ADCYAP1R1: variants seen among roughly 807,000 people sequenced by gnomAD.
ADCYAP1R1 encodes ADCYAP receptor type I.
A neutral mutation model predicts 67.6 loss-of-function variants in ADCYAP1R1; 44 were observed. The ratio of observed to expected loss-of-function variants is 0.65; its 90% CI spans 0.51 to 0.84. The LOEUF (loss-of-function observed/expected upper bound fraction) is 0.84, where lower values mean the gene tolerates loss of function less well. ADCYAP1R1 is among the 40% of genes least tolerant of loss of function. ADCYAP1R1 has a pLI of 0.00. For missense variants in ADCYAP1R1, 477 were observed against 587.9 expected (o/e 0.81, Z 1.95); for synonymous variants, 222 against 219.6 (o/e 1.01, Z -0.10).
rs1795090830 is a variant in ADCYAP1R1, at chr7:31,073,840, T to TGGGTCCTG, written c.158-4142_158-4135dup. Among the ~76,000 whole-genome samples, 3 of 152,182 alleles carry TGGGTCCTG rather than the reference T, an allele frequency of 2.0e-5. No homozygotes were observed. The South Asian group carries it at 6.2e-4, about 31-fold the overall frequency. On this transcript the variant is annotated intron_variant, in intron 3 of 15. Coordinates refer to ENST00000304166, the MANE Select transcript of ADCYAP1R1 (RefSeq NM_001118.5). ...TCGATAGGGTCAGGGACATTGTCTT[T>TGGGTCCTG]GGGTCCTGGGGTCCTGAGGTCTCAT...
chr7:31,101,925 C>T (rs974233426), intron 13 of ADCYAP1R1, among the ~76,000 whole-genome samples: 12 of 152,202 alleles, frequency 7.9e-5, no homozygotes, highest in African/African-American at 2.2e-4. Flanking sequence ...TGGACACCCA[C>T]ACTCATGGTC....
At chr7:31,085,744 A>G (rs141370191) in intron 9 of ADCYAP1R1, among the ~76,000 whole-genome samples, 1 of 152,348 alleles carries the variant, frequency 6.6e-6, no homozygotes, top group East Asian at 1.9e-4. Flanking sequence ...ACTTGAATGA[A>G]GAGGAAACTG....
chr7:31,078,587 C>T (rs1269085790), intron 4 of ADCYAP1R1, among the ~76,000 whole-genome samples: 1 of 152,242 alleles, frequency 6.6e-6, no homozygotes, highest in Admixed American at 6.5e-5. Flanking sequence ...AGACACCCCC[C>T]TCAGGCAGAA....
chr7:31,065,679 A>G (rs898912296), intron 3 of ADCYAP1R1, among the ~76,000 whole-genome samples: 1 of 152,194 alleles, frequency 6.6e-6, no homozygotes, highest in African/African-American at 2.4e-5. Flanking sequence ...TCACAGAGCA[A>G]AGGCGCCCTC....
rs1216583822 is a variant in ADCYAP1R1 at position 31,102,676 on chromosome 7, C to T, written c.1047-561C>T. 6.6e-6 allele frequency among the ~76,000 whole-genome samples: 1 copy of T among 152,114 alleles called. No individual in the cohort carries two copies. The highest frequency in any genetic ancestry group is 2.4e-5 in the African/African-American group (1 of 41,450). On this transcript the variant is annotated intron_variant, in intron 13 of 15. Transcript: ENST00000304166. The surrounding 1 kb of genome is among the most constrained non-coding windows in gnomAD (Gnocchi z 4.3). ...GATGCCCAGGGTCCGTAAGTTCCTC[C>T]TAGAATCCCTCCCGAGTTTCTTCCT...
chr7:31,098,555 G>A (rs1796299046), intron 13 of ADCYAP1R1, among the ~76,000 whole-genome samples: 1 of 152,168 alleles, frequency 6.6e-6, no homozygotes, highest in African/African-American at 2.4e-5. Context: ...GGGGACTGCA[G>A]TCTGAGTAGC....
In ADCYAP1R1 at chr7:31,110,444, T is replaced by G. The variant is rs913151204; in HGVS notation, c.*3760T>G. 1 of 152,102 alleles carries G rather than the reference T, an allele frequency of 6.6e-6. No individual in the cohort carries two copies. The highest frequency in any genetic ancestry group is 2.4e-5 in the African/African-American group (1 of 41,422). 9.4% of individuals were successfully genotyped at this position (152,102 alleles called of 1,614,324 possible). A position where few individuals can be genotyped will look rare whatever the true frequency, so the allele number is the denominator to read the frequency against. On this transcript the variant is annotated 3_prime_UTR_variant, in exon 16 of 16. Coordinates refer to ENST00000304166, the MANE Select transcript of ADCYAP1R1 (RefSeq NM_001118.5). ...AACTTGGAGATCTATAGGTCAAACC[T>G]CCCCATTGGGCTGATGAGAAAATAC...
chr7:31,056,487 C>T (rs1251668969), intron 1 of ADCYAP1R1, among the ~76,000 whole-genome samples: 4 of 152,090 alleles, frequency 2.6e-5, no homozygotes, highest in Non-Finnish European at 4.4e-5. Context: ...TCTGTTTCTT[C>T]CTTTCTCTAC....
chr7:31,077,706 T>TG (rs1795328522), intron 3 of ADCYAP1R1, among the ~76,000 whole-genome samples: 1 of 146,180 alleles, frequency 6.8e-6, no homozygotes, highest in African/African-American at 2.6e-5. Context: ...GTGTGTGTGA[T>TG]GTGTGTGTAA....
chr7:31,087,595 C>T lies in ADCYAP1R1; in HGVS notation c.885-32C>T, dbSNP rs200109616. The T allele has an allele frequency of 2.5e-4, 401 of 1,606,910 alleles. 1 individual carries two copies. The East Asian group carries it at 5.5e-3, about 22-fold the overall frequency. ...GGCTTCTATGCTGCCGACTCACAGA[C>T]GTGATCTTGCTTCTCTCTGTCCATC... On this transcript the variant is annotated intron_variant, in intron 11 of 15. Coordinates refer to ENST00000304166, the MANE Select transcript of ADCYAP1R1 (RefSeq NM_001118.5).
In ADCYAP1R1 at chr7:31,110,626, A is replaced by C. The variant is rs1796827021; in HGVS notation, c.*3942A>C. The C allele has an allele frequency of 6.5e-6, 1 of 152,758 alleles. No individual in the cohort carries two copies. The highest frequency in any genetic ancestry group is 1.5e-5 in the Non-Finnish European group (1 of 68,056). 9.5% of individuals were successfully genotyped at this position (152,758 alleles called of 1,614,324 possible). A position where few individuals can be genotyped will look rare whatever the true frequency, so the allele number is the denominator to read the frequency against. Reference sequence around the variant, plus strand: ...CAGTACGCATGTAACCTTGCACAGGAGTGGGGCTCTGGTGACCGAAGGTTG... The same window carrying C: ...CAGTACGCATGTAACCTTGCACAGGCGTGGGGCTCTGGTGACCGAAGGTTG... On this transcript the variant is annotated 3_prime_UTR_variant, in exon 16 of 16. Transcript: ENST00000304166.
intron 5 of ADCYAP1R1, 90 bp downstream of exon 5, chr7:31,080,723 G>A (rs2128627632): frequency 7.2e-7 from 1 of 1,393,546 alleles, no homozygotes; most frequent in East Asian, 2.3e-5. Context: ...CCGGCTGCTG[G>A]GATTGGGGTG....
chr7:31,096,201 T>C (rs1402632936), intron 13 of ADCYAP1R1, among the ~76,000 whole-genome samples: 1 of 152,064 alleles, frequency 6.6e-6, no homozygotes. Flanking sequence ...TCTAGGGGTC[T>C]CCTCCCTGGA....
chr7:31,057,601 T>C (rs538879642), intron 1 of ADCYAP1R1, among the ~76,000 whole-genome samples: 19 of 152,338 alleles, frequency 1.2e-4, no homozygotes, highest in Middle Eastern at 3.4e-3. Flanking sequence ...GGGAGGCCCC[T>C]GGCCCAGGAG....
At chr7:31,057,198 C>T (rs1266669689) in intron 1 of ADCYAP1R1, 2 of 152,524 alleles carry the variant, frequency 1.3e-5, no homozygotes, top group African/African-American at 4.8e-5. Context: ...TTCGCTCCGT[C>T]CTTTCCCTTC....
In ADCYAP1R1 at chr7:31,073,751, A is replaced by G. The variant is rs79486743; in HGVS notation, c.158-4240A>G. On this transcript the variant is annotated intron_variant, in intron 3 of 15. Coordinates refer to ENST00000304166, the MANE Select transcript of ADCYAP1R1 (RefSeq NM_001118.5). The stretch of plus-strand genomic sequence containing the variant: ...GCATTCTGGGGAGCCCCAGGGAGGC[A>G]GCTGTGAGTCTCTTGAGACCCCAGC... 7.3e-3 allele frequency among the ~76,000 whole-genome samples: 1,114 copies of G among 152,280 alleles called. 19 individuals carry two copies. Among genetic ancestry groups the G allele is most frequent in the Admixed American group, 0.029 (441 of 15,300 alleles).
chr7:31,083,086 C>T (rs572668165), intron 6 of ADCYAP1R1, among the ~76,000 whole-genome samples: 1 of 152,378 alleles, frequency 6.6e-6, no homozygotes, highest in East Asian at 1.9e-4. Flanking sequence ...ACTGGAGCCC[C>T]TTTTCTGCAG....
intron 6 of ADCYAP1R1, among the ~76,000 whole-genome samples, chr7:31,083,747 C>T (rs1795614456): frequency 6.6e-6 from 1 of 152,188 alleles, no homozygotes; most frequent in African/African-American, 2.4e-5. Context: ...CCCAGATCTC[C>T]TGACAGAGAA....
intron 15 of ADCYAP1R1, among the ~76,000 whole-genome samples, chr7:31,105,406 AGAATTTG>A (rs1796599071): frequency 6.6e-6 from 1 of 152,202 alleles, no homozygotes; most frequent in Non-Finnish European, 1.5e-5. Flanking sequence ...GGAGACTGTG[AGAATTTG>A]GAAGAGACCC....
Sources: gnomAD v4.1 joint callset for allele counts (sites outside exome capture counted in the v4.1 genomes callset) on GRCh38, gnomAD v4.1.1 for gene constraint, Gnocchi (gnomAD v3.1) non-coding constraint, MANE v1.5 for transcripts, NCBI Gene and HGNC (gene_info 2026-07-23, HGNC 2026-07-21) for gene names.